Variants in SPAST observed in about 807,000 individuals in gnomAD.
SPAST encodes spastic paraplegia 4 (autosomal dominant; spastin).
A neutral mutation model predicts 76.6 loss-of-function variants in SPAST; 30 were observed. The observed-to-expected ratio is 0.39, with a 90% CI of 0.29 to 0.53. SPAST has a LOEUF of 0.53. SPAST is among the 20% of genes least tolerant of loss of function. The pLI is 0.68. For synonymous variants in SPAST, 305 were observed against 281.0 expected, an observed-to-expected ratio of 1.09 and a Z score of -0.86; for missense variants, 717 against 770.5, an observed-to-expected ratio of 0.93 and a Z score of 0.82.
intron 7 of SPAST, among the ~76,000 whole-genome samples, chr2:32,126,024 T>C (rs933772228): frequency 3.3e-5 from 5 of 152,000 alleles, no homozygotes; most frequent in Admixed American, 2.0e-4. Flanking sequence ...CTCGATCTCC[T>C]GACCTCGTGA....
Position 32,087,473 on chromosome 2 carries a change from ATAATTTT to A in SPAST, c.416-17_416-11del. ...TGTACTCTTCATACGATCTATACAA[ATAATTTT>A]TTATTTTAAAGCAGGACAGAAGGAG... is the stretch of plus-strand genomic sequence containing the variant. On this transcript the variant is annotated splice_polypyrimidine_tract_variant and intron_variant, in intron 1 of 16. Transcript: ENST00000315285. The A allele has an allele frequency of 6.7e-7, 1 of 1,490,044 alleles. No homozygotes were observed. The highest frequency in any genetic ancestry group is 9.3e-7 in the Non-Finnish European group (1 of 1,069,664). The allele number at this position is 1,490,044 out of a possible 1,614,324, so 92.3% of individuals were successfully genotyped here.
intron 1 of SPAST, among the ~76,000 whole-genome samples, chr2:32,073,910 T>C (rs1319001299): frequency 2.6e-5 from 4 of 152,230 alleles, no homozygotes; most frequent in African/African-American, 2.4e-5. Flanking sequence ...ATAACTTTTC[T>C]GCTCTTCTGC....
At chr2:32,128,614 G>T in intron 9 of SPAST, 135 bp downstream of exon 9, 2 of 687,352 alleles carry the variant, frequency 2.9e-6, no homozygotes, top group Admixed American at 4.3e-5. Context: ...TACATATGAT[G>T]AATATCTATC....
At chr2:32,077,403 C>G (rs1677008291) in intron 1 of SPAST, among the ~76,000 whole-genome samples, 1 of 152,052 alleles carries the variant, frequency 6.6e-6, no homozygotes, top group African/African-American at 2.4e-5. Context: ...TTAAGTTAAT[C>G]AACAAATTTA....
intron 1 of SPAST, among the ~76,000 whole-genome samples, chr2:32,084,057 GGCA>G (rs370520683): frequency 6.6e-6 from 1 of 151,712 alleles, no homozygotes; most frequent in African/African-American, 2.4e-5. Flanking sequence ...TGGGATTACA[GGCA>G]TGACCCACCG....
intron 11 of SPAST, 65 bp downstream of exon 11, chr2:32,137,033 A>G: frequency 1.3e-6 from 2 of 1,540,080 alleles, no homozygotes; most frequent in South Asian, 1.1e-5. Flanking sequence ...TTAAATGGCC[A>G]AGGTTAAAAA....
chr2:32,150,951 C>CCTTTTTTTT (rs778264719), intron 16 of SPAST, among the ~76,000 whole-genome samples: 1 of 143,352 alleles, frequency 7.0e-6, no homozygotes, highest in Non-Finnish European at 1.5e-5. Context: ...CTACTGTATA[C>CCTTTTTTTT]TTTTTTTTTT....
chr2:32,108,260 C>T (rs1000022015), intron 4 of SPAST, among the ~76,000 whole-genome samples: 1 of 152,046 alleles, frequency 6.6e-6, no homozygotes, highest in Non-Finnish European at 1.5e-5. Flanking sequence ...AATTTACAGA[C>T]AACAGCCTCA....
At chr2:32,122,671 G>A (rs189032072) in intron 7 of SPAST, among the ~76,000 whole-genome samples, 1 of 152,060 alleles carries the variant, frequency 6.6e-6, no homozygotes, top group African/African-American at 2.4e-5. Context: ...TAGGCATGGT[G>A]GCTCCCACCT....
chr2:32,125,637 T>A (rs1003838118), intron 7 of SPAST, among the ~76,000 whole-genome samples: 11 of 152,260 alleles, frequency 7.2e-5, no homozygotes, highest in African/African-American at 2.4e-4. Flanking sequence ...AGCTCTACCC[T>A]TGATTCCTGC....
intron 12 of SPAST, among the ~76,000 whole-genome samples, chr2:32,140,175 C>T (rs760580571): frequency 1.2e-4 from 19 of 152,084 alleles, no homozygotes; most frequent in Non-Finnish European, 1.6e-4. Context: ...TTTTCCCAAG[C>T]CTGTTGCCTT....
In SPAST at chr2:32,114,803, G is replaced by T; in HGVS notation, c.848G>T (p.Gly283Val). 1 of 1,613,982 alleles carries T rather than the reference G, an allele frequency of 6.2e-7. No homozygotes were observed. The highest frequency in any genetic ancestry group is 8.5e-7 in the Non-Finnish European group (1 of 1,179,920). Residue 283 changes from glycine (G) to valine (V), a missense_variant, in exon 5 of 17, where the codon GGT becomes GTT. Gly to Val is a moderately radical substitution (Grantham distance 109, BLOSUM62 -3). Around this residue, in one of 3 missense-constraint regions of SPAST, gnomAD observed 543 missense variants for 445.2 expected, o/e 1.22. Transcript: ENST00000315285. ...SMVSGVKQGS[G>V]PAPTTHKGTP... ...GTTTCTGGAGTGAAACAGGGATCTG[G>T]TCCTGCTCCTACCACTCATAAGGTA...
intron 12 of SPAST, among the ~76,000 whole-genome samples, chr2:32,137,895 T>C (rs147775869): frequency 1.3e-5 from 2 of 152,288 alleles, no homozygotes; most frequent in Middle Eastern, 3.4e-3. Context: ...TCCCCACTTA[T>C]GAGAACATGA....
intron 16 of SPAST, among the ~76,000 whole-genome samples, chr2:32,148,981 A>G (rs1243144608): frequency 6.6e-6 from 1 of 152,122 alleles, no homozygotes; most frequent in Non-Finnish European, 1.5e-5. Context: ...CTCAAAAAAA[A>G]AAAAATTACA....
At chr2:32,083,750 C>CTTTTT (rs1677344896) in intron 1 of SPAST, among the ~76,000 whole-genome samples, 1 of 62,870 alleles carries the variant, frequency 1.6e-5, no homozygotes, top group African/African-American at 6.3e-5. Flanking sequence ...TTTATATATA[C>CTTTTT]TATATATATA....
At chr2:32,127,114 T>G in intron 8 of SPAST, 92 bp downstream of exon 8, 1 of 874,916 alleles carries the variant, frequency 1.1e-6, no homozygotes, top group Non-Finnish European at 1.9e-6. Context: ...GTCTATTATT[T>G]ACGACTTGCT....
At chr2:32,105,723 C>T (rs1470851256) in intron 4 of SPAST, among the ~76,000 whole-genome samples, 1 of 152,190 alleles carries the variant, frequency 6.6e-6, no homozygotes, top group Non-Finnish European at 1.5e-5. Flanking sequence ...TGCTGGAGGT[C>T]CACTCCAGAC....
At chr2:32,068,567 A>G (rs951049129) in intron 1 of SPAST, among the ~76,000 whole-genome samples, 3 of 151,434 alleles carry the variant, frequency 2.0e-5, no homozygotes, top group Admixed American at 6.6e-5. Flanking sequence ...CAAGTGATCC[A>G]CTCGCCTTGG....
intron 1 of SPAST, among the ~76,000 whole-genome samples, chr2:32,074,849 G>A (rs145868966): frequency 1.7e-3 from 256 of 152,156 alleles, no homozygotes; most frequent in African/African-American, 5.8e-3. Flanking sequence ...TTTTCGAACT[G>A]TGGGGCTTCT....
Sources: gnomAD v4.1 joint callset for allele counts (sites outside exome capture counted in the v4.1 genomes callset) on GRCh38, gnomAD v4.1.1 for gene constraint, gnomAD v4.1.1 regional missense constraint, MANE v1.5 for transcripts, NCBI Gene and HGNC (gene_info 2026-07-23, HGNC 2026-07-21) for gene names.